The following TSHZ3 variants were observed in gnomAD, a reference collection of about 807,000 sequenced individuals.
TSHZ3 encodes the protein teashirt zinc finger homeobox 3.
Under a neutral mutation model 64.5 loss-of-function variants are expected in TSHZ3, and 10 were observed. The ratio of observed to expected loss-of-function variants is 0.16; its 90% CI spans 0.10 to 0.26. The LOEUF (loss-of-function observed/expected upper bound fraction) is 0.26, where lower values mean the gene tolerates loss of function less well. Ranked by LOEUF, TSHZ3 falls within the 10% of genes least tolerant of loss-of-function variation. The pLI, the probability that TSHZ3 is intolerant of heterozygous loss-of-function variation, is 1.00. For missense variants in TSHZ3, 1,242 were observed against 1,421.7 expected (o/e 0.87, Z 2.03); for synonymous variants, 608 against 593.1 (o/e 1.03, Z -0.36).
chr19:31,279,806 C>A lies in TSHZ3; in HGVS notation c.41-54G>T. On this transcript the variant is annotated intron_variant, in intron 1 of 1. Transcript: ENST00000240587. This position sits in a 1 kb window ranked among gnomAD's most constrained non-coding sequence, Gnocchi z 6.4. ...ACAGGTAGGATGGAATGAAGAGAGA[C>A]AGGGAGAAGGAGAGAAAGAAAAAAA... The A allele has an allele frequency of 1.4e-6, 2 of 1,397,532 alleles. No homozygotes were observed. The highest frequency in any genetic ancestry group is 1.9e-6 in the Non-Finnish European group (2 of 1,059,924). The allele number at this position is 1,397,532 out of a possible 1,614,324, so 86.6% of individuals were successfully genotyped here. A position where few individuals can be genotyped will look rare whatever the true frequency, so the allele number is the denominator to read the frequency against.
At chr19:31,210,602 G>A (rs1975250115) in intron 4 of TSHZ3, among the ~76,000 whole-genome samples, 1 of 152,112 alleles carries the variant, frequency 6.6e-6, no homozygotes. Flanking sequence ...AGATTTTGCT[G>A]GTGTACACTA....
In TSHZ3 at chr19:31,277,623, C is replaced by T. The variant is rs757158860; in HGVS notation, c.2170G>A (p.Ala724Thr). 2.5e-6 allele frequency: 4 copies of T among 1,569,328 alleles called. No individual in the cohort carries two copies. The highest frequency in any genetic ancestry group is 1.4e-5 in the African/African-American group (1 of 73,552). The change falls in exon 2 of 2, where the codon GCC (alanine) becomes ACC (threonine). Residue 724 changes from alanine to threonine, a missense_variant. Physicochemically the swap from Ala to Thr is moderately conservative, Grantham distance 58. Around this residue, in one of 4 missense-constraint regions of TSHZ3, gnomAD observed 550 missense variants for 545.1 expected, o/e 1.01. Transcript: ENST00000240587. The surrounding 1 kb of genome is among the most constrained non-coding windows in gnomAD (Gnocchi z 4.5). The part of the protein sequence containing the change: ...PEQPFVNPLS[A>T]LQSVMNIHLG... ...TGAATGTTCATGACTGACTGCAGGG[C>T]GCTCAAAGGGTTAACAAAAGGCTGT...
chr19:31,308,767 G>A, intron 1 of TSHZ3: 1 of 398,510 alleles, frequency 2.5e-6, no homozygotes. Flanking sequence ...AATCCTGGCT[G>A]TGTCTGCTCA....
At chr19:31,207,727 G>A (rs113265180) in intron 4 of TSHZ3, 42 of 152,288 alleles carry the variant, frequency 2.8e-4, no homozygotes, top group African/African-American at 9.1e-4. Context: ...AAGAAAGAAT[G>A]GATTGGCCAG....
chr19:31,166,102 G>T (rs1443606740), intron 5 of TSHZ3, among the ~76,000 whole-genome samples: 1 of 152,192 alleles, frequency 6.6e-6, no homozygotes, highest in Admixed American at 6.5e-5. Context: ...AGTTATTCCT[G>T]CACAGCGTTC....
rs558374959 is a variant in TSHZ3 at position 31,297,535 on chromosome 19, G to C, written c.41-17783C>G. Among the ~76,000 whole-genome samples, 5 of 152,212 alleles carry C rather than the reference G, an allele frequency of 3.3e-5. No homozygotes were observed. In the South Asian group the frequency reaches 8.3e-4, roughly 25 times the overall value. On this transcript the variant is annotated intron_variant, in intron 1 of 1. Coordinates refer to ENST00000240587, the MANE Select transcript of TSHZ3 (RefSeq NM_020856.4). ...TCCATTGCCCACGCAGGAGTACTGT[G>C]GTGTGATCATGGCTCACCTGCAGCC...
chr19:31,160,478 T>C (rs903067684), intron 5 of TSHZ3, among the ~76,000 whole-genome samples: 1 of 152,214 alleles, frequency 6.6e-6, no homozygotes, highest in African/African-American at 2.4e-5. Flanking sequence ...TACTCTGTCT[T>C]GAGGCAGCCC....
intron 1 of TSHZ3, among the ~76,000 whole-genome samples, chr19:31,245,899 C>A: frequency 6.6e-6 from 1 of 152,200 alleles, no homozygotes; most frequent in East Asian, 1.9e-4. Context: ...ATATAAACGT[C>A]CTAAGTCCCA....
In TSHZ3 at chr19:31,326,955, T is replaced by C. The variant is rs142968373; in HGVS notation, c.40+22225A>G. On this transcript the variant is annotated intron_variant, in intron 1 of 1. Coordinates refer to ENST00000240587, the MANE Select transcript of TSHZ3 (RefSeq NM_020856.4). ...GAAGCATGCAAATACAGGGGAGAAG[T>C]CCAGCTCCATGTGAGGAACGCCAGA... Among the ~76,000 whole-genome samples, 397 of 152,148 alleles carry C rather than the reference T, an allele frequency of 2.6e-3. 2 individuals are homozygous for C. Among genetic ancestry groups the C allele is most frequent in the African/African-American group, 9.2e-3 (382 of 41,512 alleles).
downstream of TSHZ3, among the ~76,000 whole-genome samples, chr19:31,271,136 C>T (rs780425145): frequency 2.0e-5 from 3 of 152,080 alleles, no homozygotes; most frequent in Non-Finnish European, 4.4e-5. Flanking sequence ...ACTGTCAGGC[C>T]GCTAACCAAC....
chr19:31,217,183 G>A (rs1040788991), intron 4 of TSHZ3, among the ~76,000 whole-genome samples: 8 of 152,198 alleles, frequency 5.3e-5, no homozygotes, highest in African/African-American at 1.9e-4. Context: ...TGGGGTTAAG[G>A]GGCAGAGACA....
In TSHZ3 at chr19:31,236,563, A is replaced by G. The variant is rs577735997; in HGVS notation, n.550+5706T>C. Among the ~76,000 whole-genome samples, 96 of 152,318 alleles carry G rather than the reference A, an allele frequency of 6.3e-4. 1 individual carries two copies. Among genetic ancestry groups the G allele is most frequent in the Admixed American group, 1.3e-3 (20 of 15,300 alleles). On this transcript the variant is annotated intron_variant and non_coding_transcript_variant, in intron 3 of 6. Transcript: ENST00000651361. ...TCTTTTATCAGATATACAGTTTGCA[A>G]ATATTTTCTTCCATTCCCTTAGGAG...
intron 4 of TSHZ3, among the ~76,000 whole-genome samples, chr19:31,217,249 A>G (rs1396629679): frequency 1.3e-5 from 2 of 152,264 alleles, no homozygotes; most frequent in East Asian, 3.9e-4. Context: ...CCCAAGGTGG[A>G]ACTTGTGTGC....
chr19:31,336,045 A>G (rs1230088414), intron 1 of TSHZ3, among the ~76,000 whole-genome samples: 2 of 152,236 alleles, frequency 1.3e-5, no homozygotes, highest in African/African-American at 4.8e-5. Flanking sequence ...CTAATATTCA[A>G]GCCTTTTTTC....
chr19:31,274,606 C>A (rs534698107), downstream of TSHZ3, among the ~76,000 whole-genome samples: 7 of 152,266 alleles, frequency 4.6e-5, 1 homozygote, highest in African/African-American at 1.7e-4. Context: ...AAACCCCAGA[C>A]CCCCATGCAG....
chr19:31,159,997 G>T (rs112312769), intron 5 of TSHZ3, among the ~76,000 whole-genome samples: 2 of 152,116 alleles, frequency 1.3e-5, no homozygotes, highest in African/African-American at 4.8e-5. Flanking sequence ...CCAGAATGTT[G>T]CTCTTGAAGA....
intron 1 of TSHZ3, among the ~76,000 whole-genome samples, chr19:31,258,677 C>T (rs1437501745): frequency 6.6e-6 from 1 of 152,210 alleles, no homozygotes; most frequent in Admixed American, 6.5e-5. Context: ...AAGATGCTCA[C>T]ATATCTGTTG....
chr19:31,219,881 T>A (rs916629067), intron 4 of TSHZ3, among the ~76,000 whole-genome samples: 1 of 150,456 alleles, frequency 6.6e-6, no homozygotes, highest in African/African-American at 2.4e-5. Flanking sequence ...AAGTATATAA[T>A]TGAATATATA....
chr19:31,301,294 A>G (rs1184148482), intron 1 of TSHZ3, among the ~76,000 whole-genome samples: 4 of 151,946 alleles, frequency 2.6e-5, no homozygotes, highest in Non-Finnish European at 5.9e-5. Context: ...CATCCCAAAC[A>G]CCTTCCAAGC....
Sources: allele counts gnomAD v4.1 joint callset (sites outside exome capture counted in the v4.1 genomes callset), GRCh38; gene constraint gnomAD v4.1.1; regional missense constraint gnomAD v4.1.1; non-coding constraint Gnocchi (gnomAD v3.1); transcripts MANE v1.5; gene names NCBI Gene and HGNC (gene_info 2026-07-23, HGNC 2026-07-21).